MATN2: variants seen among roughly 807,000 people sequenced by gnomAD.
MATN2 encodes matrilin 2.
A neutral mutation model predicts 103.2 loss-of-function variants in MATN2; 69 were observed. The ratio of observed to expected loss-of-function variants is 0.67; its 90% CI spans 0.55 to 0.82. The LOEUF is 0.82. MATN2 is among the 40% of genes least tolerant of loss of function. MATN2 has a pLI of 0.00. For synonymous variants in MATN2, 429 were observed against 450.2 expected (o/e 0.95, Z 0.60); for missense variants, 1,023 against 1,211.5 (o/e 0.84, Z 2.31).
At chr8:97,909,189 T>A (rs1189698661) in intron 2 of MATN2, among the ~76,000 whole-genome samples, 1 of 152,232 alleles carries the variant, frequency 6.6e-6, no homozygotes, top group Admixed American at 6.5e-5. Flanking sequence ...TACCTTGGCC[T>A]CCCAAATTGC....
chr8:98,009,940 C>T (rs1049349043), intron 10 of MATN2, among the ~76,000 whole-genome samples: 1 of 152,226 alleles, frequency 6.6e-6, no homozygotes, highest in Non-Finnish European at 1.5e-5. Context: ...CATGAAATGA[C>T]TGGGAGCGTG....
chr8:97,992,745 CAAAAAAAAAAAA>C (rs58985201), intron 6 of MATN2, among the ~76,000 whole-genome samples: 3 of 49,592 alleles, frequency 6.0e-5, no homozygotes, highest in Non-Finnish European at 1.1e-4. Flanking sequence ...GACTCCATCT[CAAAAAAAAAAAA>C]AAAAAAAAAA....
Position 97,961,434 on chromosome 8 carries a change from C to T in MATN2, c.862C>T (p.His288Tyr), listed in dbSNP as rs755576093. The change falls in exon 5 of 19, where the codon CAC becomes TAC. Residue 288 changes from histidine to tyrosine, a missense_variant. By Grantham distance (83) the His-to-Tyr change is moderately conservative (BLOSUM62 2). Transcript: ENST00000254898. ...RIQDLCAMED[H>Y]NCEQLCVNVP... is the part of the protein sequence containing the mutation. ...CCAGGATCTGTGTGCCATGGAGGAC[C>T]ACAACTGTGAGCAGCTCTGTGTGAA... is the stretch of plus-strand genomic sequence containing the variant. 2 of 1,613,206 alleles carry T rather than the reference C, an allele frequency of 1.2e-6. No homozygotes were observed. Among genetic ancestry groups the T allele is most frequent in the South Asian group, 2.2e-5 (2 of 90,942 alleles).
intron 5 of MATN2, among the ~76,000 whole-genome samples, chr8:97,971,804 A>C (rs1236023113): frequency 6.6e-6 from 1 of 152,164 alleles, no homozygotes; most frequent in Admixed American, 6.6e-5. Flanking sequence ...TGAAGCACTG[A>C]CTGAGGTTGA....
intron 5 of MATN2, among the ~76,000 whole-genome samples, chr8:97,972,078 C>T (rs1811670016): frequency 1.3e-5 from 2 of 152,038 alleles, no homozygotes; most frequent in South Asian, 4.2e-4. Flanking sequence ...CACCTGTAGT[C>T]CCAGCTATTC....
At position 98,021,236 on chromosome 8, in the gene MATN2, C is replaced by T; in HGVS notation, c.1851C>T (p.Gly617=). The change falls in exon 13 of 19, where the codon GGC becomes GGT. Residue 617 remains glycine, a synonymous_variant. Coordinates refer to ENST00000254898, the MANE Select transcript of MATN2 (RefSeq NM_002380.5). ...ATGTCTGCAAATCAACCCACCATGG[C>T]TGCGAACACATTTGTGTTAATAATG... The part of the protein sequence containing the change: ...RKDVCKSTHH[G]CEHICVNNGN... 1 of 1,613,608 alleles carries T rather than the reference C, an allele frequency of 6.2e-7. No homozygotes were observed. The highest frequency in any genetic ancestry group is 8.5e-7 in the Non-Finnish European group (1 of 1,179,592).
chr8:97,908,739 T>G (rs1819264245), intron 2 of MATN2, among the ~76,000 whole-genome samples: 1 of 152,046 alleles, frequency 6.6e-6, no homozygotes, highest in African/African-American at 2.4e-5. Flanking sequence ...TCAAGTGATT[T>G]TCCTGCCTCA....
intron 2 of MATN2, among the ~76,000 whole-genome samples, chr8:97,898,576 A>G (rs933439200): frequency 6.6e-6 from 1 of 151,362 alleles, no homozygotes; most frequent in Non-Finnish European, 1.5e-5. Flanking sequence ...CAGCCTGGGC[A>G]ACAAGAGTGA....
At chr8:97,951,740 TG>T (rs1017255137) in intron 4 of MATN2, among the ~76,000 whole-genome samples, 1 of 107,124 alleles carries the variant, frequency 9.3e-6, no homozygotes, top group Non-Finnish European at 2.1e-5. Context: ...TATTTTTGTT[TG>T]TTTATTTATT....
At chr8:97,993,614 C>T (rs2130353237) in intron 6 of MATN2, among the ~76,000 whole-genome samples, 1 of 152,276 alleles carries the variant, frequency 6.6e-6, no homozygotes, top group Admixed American at 6.5e-5. Flanking sequence ...CTAGAGATCA[C>T]ATTCTCTGTG....
intron 1 of MATN2, among the ~76,000 whole-genome samples, chr8:97,874,463 T>C (rs1175066321): frequency 6.6e-6 from 1 of 151,556 alleles, no homozygotes. Flanking sequence ...TATCATGCAG[T>C]GGTGCGATCA....
At chr8:97,932,194 C>T (rs886759167) in intron 3 of MATN2, among the ~76,000 whole-genome samples, 2 of 152,118 alleles carry the variant, frequency 1.3e-5, no homozygotes, top group African/African-American at 4.8e-5. Flanking sequence ...CAGAGTTTTT[C>T]TTCAGCACAT....
chr8:97,933,606 C>A (rs1869610), intron 3 of MATN2, among the ~76,000 whole-genome samples: 55,283 of 149,612 alleles, frequency 0.37, 10,423 homozygotes, highest in Admixed American at 0.47. Context: ...TGTGTGCTTT[C>A]TGGCAAGGCA....
chr8:97,896,883 C>T (rs957488878), intron 2 of MATN2, among the ~76,000 whole-genome samples: 1 of 145,184 alleles, frequency 6.9e-6, no homozygotes, highest in Non-Finnish European at 1.5e-5. Context: ...TCAGGCAACA[C>T]AGTAGGGCTG....
intron 2 of MATN2, among the ~76,000 whole-genome samples, chr8:97,891,127 T>C (rs1230880081): frequency 6.6e-6 from 1 of 152,006 alleles, no homozygotes; most frequent in Non-Finnish European, 1.5e-5. Flanking sequence ...GTGTTTAAGA[T>C]GAATAGACAC....
At chr8:97,915,132 G>A (rs184307362) in intron 2 of MATN2, among the ~76,000 whole-genome samples, 18 of 152,166 alleles carry the variant, frequency 1.2e-4, no homozygotes, top group East Asian at 9.7e-4. Flanking sequence ...GACTACAGGC[G>A]CACGCCATCA....
At chr8:97,979,390 A>G (rs2513850) in intron 6 of MATN2, among the ~76,000 whole-genome samples, 104,171 of 152,084 alleles carry the variant, frequency 0.68, 36,387 homozygotes, top group Non-Finnish European at 0.76. Flanking sequence ...GACTCCACGC[A>G]AGAAAATCGC....
chr8:97,894,780 A>G lies in MATN2; in HGVS notation c.142+6538A>G, dbSNP rs180983623. ...ATGAGCTGAAACCTCCTAAGTGAGC[A>G]ATGTGAAGTTGTTGGCTGCCTGGAG... On this transcript the variant is annotated intron_variant, in intron 2 of 18. Transcript: ENST00000254898. Among the ~76,000 whole-genome samples, 281 of 152,302 alleles carry G rather than the reference A, an allele frequency of 1.8e-3. 1 individual carries two copies. The highest frequency in any genetic ancestry group is 6.1e-3 in the African/African-American group (254 of 41,554).
At chr8:97,967,531 C>T (rs892313374) in intron 5 of MATN2, among the ~76,000 whole-genome samples, 5 of 152,130 alleles carry the variant, frequency 3.3e-5, no homozygotes, top group Non-Finnish European at 5.9e-5. Flanking sequence ...GAGAAATTGG[C>T]CAAAACAAAG....
Sources: allele counts gnomAD v4.1 joint callset (sites outside exome capture counted in the v4.1 genomes callset), GRCh38; gene constraint gnomAD v4.1.1; transcripts MANE v1.5; gene names NCBI Gene and HGNC (gene_info 2026-07-23, HGNC 2026-07-21).